RNF13: variants seen among roughly 807,000 people sequenced by gnomAD.
RNF13 encodes E3 ubiquitin-protein ligase RNF13.
Under a neutral mutation model 37.7 loss-of-function variants are expected in RNF13, and 19 were observed. That is an observed-to-expected ratio of 0.50 (90% CI 0.35 to 0.74). The LOEUF (loss-of-function observed/expected upper bound fraction) is 0.74, where lower values mean the gene tolerates loss of function less well. Ranked by LOEUF, RNF13 falls within the 30% of genes least tolerant of loss-of-function variation. The pLI, the probability that RNF13 is intolerant of heterozygous loss-of-function variation, is 0.01. For missense variants in RNF13, 375 were observed against 453.0 expected, an observed-to-expected ratio of 0.83 and a Z score of 1.56; for synonymous variants, 144 against 157.8, an observed-to-expected ratio of 0.91 and a Z score of 0.65.
intron 3 of RNF13, among the ~76,000 whole-genome samples, chr3:149,855,423 T>A (rs1723548736): frequency 6.6e-6 from 1 of 151,822 alleles, no homozygotes; most frequent in South Asian, 2.1e-4. Context: ...ATGTTCCTGT[T>A]AAGCACTGCA....
chr3:149,915,769 T>A lies in RNF13; in HGVS notation c.606+3686T>A, dbSNP rs536653788. 1.7e-4 allele frequency among the ~76,000 whole-genome samples: 26 copies of A among 152,322 alleles called. 1 individual carries two copies. The South Asian group carries it at 5.0e-3, about 29-fold the overall frequency. On this transcript the variant is annotated intron_variant, in intron 7 of 9. Coordinates refer to ENST00000392894, the MANE Select transcript of RNF13 (RefSeq NM_183381.3). ...CAAAAGGACAAATACTGATTCTACTTACACGAGGTACCTGGAGTAGCCAAA... is the reference window on the plus strand; with the variant it reads ...CAAAAGGACAAATACTGATTCTACTAACACGAGGTACCTGGAGTAGCCAAA...
At chr3:149,949,429 CTT>C (rs76888636) in intron 8 of RNF13, among the ~76,000 whole-genome samples, 19 of 136,602 alleles carry the variant, frequency 1.4e-4, no homozygotes, top group South Asian at 2.3e-4. Flanking sequence ...TACTGGGTTG[CTT>C]TTTTTTTTTT....
intron 3 of RNF13, 83 bp downstream of exon 3, chr3:149,852,679 C>A: frequency 3.2e-6 from 2 of 620,370 alleles, no homozygotes; most frequent in South Asian, 2.9e-5. Context: ...AGAATGAAAT[C>A]ATTTCTTACT....
At chr3:149,837,636 A>T (rs1227065700) in intron 1 of RNF13, among the ~76,000 whole-genome samples, 1 of 152,180 alleles carries the variant, frequency 6.6e-6, no homozygotes, top group Admixed American at 6.5e-5. Context: ...CATGAGACTT[A>T]TTCATTATCA....
intron 8 of RNF13, among the ~76,000 whole-genome samples, chr3:149,934,317 A>G (rs1219933002): frequency 3.3e-5 from 5 of 151,216 alleles, no homozygotes. Context: ...TTTTTCTTTC[A>G]GTTATCTTTT....
intron 8 of RNF13, among the ~76,000 whole-genome samples, chr3:149,947,015 T>C (rs1027371194): frequency 6.6e-6 from 1 of 152,254 alleles, no homozygotes; most frequent in Non-Finnish European, 1.5e-5. Flanking sequence ...TGATTTCTTA[T>C]TTGACCCATT....
Position 149,846,085 on chromosome 3 carries a change from C to G in RNF13, c.59C>G (p.Thr20Ser), listed in dbSNP as rs1241780032. Residue 20 changes from threonine (T) to serine (S), a missense_variant, in exon 2 of 10, where the codon ACT becomes AGT. Coordinates refer to ENST00000392894, the MANE Select transcript of RNF13 (RefSeq NM_183381.3). The stretch of plus-strand genomic sequence containing the variant: ...GCCACACAAGTCTACACCATCTTGA[C>G]TGTCCAGCTCTTTGCATTCTTAAAC... ...LSATQVYTIL[T>S]VQLFAFLNLL... 3.7e-6 allele frequency: 6 copies of G among 1,613,198 alleles called. No homozygotes were observed. The highest frequency in any genetic ancestry group is 5.1e-6 in the Non-Finnish European group (6 of 1,179,878).
At position 149,824,789 on chromosome 3, in the gene RNF13, A is replaced by G. The variant is rs187266884; in HGVS notation, c.-17+11436A>G. 2.8e-3 allele frequency among the ~76,000 whole-genome samples: 427 copies of G among 152,072 alleles called. 2 individuals carry two copies. Among genetic ancestry groups the G allele is most frequent in the African/African-American group, 9.8e-3 (408 of 41,524 alleles). ...TATGTCTGTATCAAAAAGCTCCAAA[A>G]GAACTAGGTCAGAGGTCATCCTCTT... On this transcript the variant is annotated intron_variant, in intron 1 of 9. Transcript: ENST00000392894.
chr3:149,954,434 A>G (rs1037301388), intron 8 of RNF13, among the ~76,000 whole-genome samples: 2 of 152,166 alleles, frequency 1.3e-5, no homozygotes, highest in Non-Finnish European at 2.9e-5. Flanking sequence ...CACCTGCAAA[A>G]AAACAAAAAA....
At chr3:149,916,734 A>G (rs182906540) in intron 7 of RNF13, among the ~76,000 whole-genome samples, 6 of 151,686 alleles carry the variant, frequency 4.0e-5, no homozygotes, top group African/African-American at 1.4e-4. Flanking sequence ...CAGGAGTACA[A>G]GTAAATAACC....
intron 8 of RNF13, among the ~76,000 whole-genome samples, chr3:149,936,095 T>C (rs1345568244): frequency 6.6e-6 from 1 of 152,064 alleles, no homozygotes; most frequent in Non-Finnish European, 1.5e-5. Context: ...TTCTACTAGA[T>C]GTCCATTAAC....
rs537374049 is a variant in RNF13 at position 149,911,850 on chromosome 3, A to C, written c.501-128A>C. The C allele has an allele frequency of 1.8e-5, 11 of 610,110 alleles. No individual in the cohort carries two copies. The East Asian group carries it at 3.1e-4, about 17-fold the overall frequency. 37.8% of individuals were successfully genotyped at this position (610,110 alleles called of 1,614,324 possible). A position where few individuals can be genotyped will look rare whatever the true frequency, so the allele number is the denominator to read the frequency against. On this transcript the variant is annotated intron_variant, in intron 6 of 9. Coordinates refer to ENST00000392894, the MANE Select transcript of RNF13 (RefSeq NM_183381.3). ...TTGAAAGTCATATTTTAGAAAATGA[A>C]ATGTATGTAGTGGATTTAATTGTAA... is the stretch of plus-strand genomic sequence containing the variant.
rs1237218658 is a variant in RNF13, at chr3:149,941,378, AT to A, written c.701-18676del. 5.3e-5 allele frequency among the ~76,000 whole-genome samples: 8 copies of A among 152,096 alleles called. No homozygotes were observed. In the East Asian group the frequency reaches 1.5e-3, roughly 29 times the overall value. On this transcript the variant is annotated intron_variant, in intron 8 of 9. Coordinates refer to ENST00000392894, the MANE Select transcript of RNF13 (RefSeq NM_183381.3). ...ACATTCTGCTCTTTTGTTAGTGGCC[AT>A]TCTAGTGAGTATGAGTCGATATCTC...
Position 149,944,950 on chromosome 3 carries a change from G to C in RNF13, c.701-15106G>C, listed in dbSNP as rs377000861. 5.3e-5 allele frequency among the ~76,000 whole-genome samples: 8 copies of C among 151,990 alleles called. No homozygotes were observed. In the South Asian group the frequency reaches 1.7e-3, roughly 32 times the overall value. On this transcript the variant is annotated intron_variant, in intron 8 of 9. Transcript: ENST00000392894. Reference sequence around the variant, plus strand: ...GGGTTTTTATGGTTTTAGGTCTAACGTTTAAGTCTTTAATCCATCTTGAAT... The same window carrying C: ...GGGTTTTTATGGTTTTAGGTCTAACCTTTAAGTCTTTAATCCATCTTGAAT...
At chr3:149,936,958 C>T (rs892228009) in intron 8 of RNF13, among the ~76,000 whole-genome samples, 1 of 152,066 alleles carries the variant, frequency 6.6e-6, no homozygotes, top group African/African-American at 2.4e-5. Context: ...AAACGTTCGG[C>T]GCACTGACCA....
chr3:149,904,874 C>A (rs542581974), intron 6 of RNF13, among the ~76,000 whole-genome samples: 2 of 152,232 alleles, frequency 1.3e-5, no homozygotes, highest in African/African-American at 4.8e-5. Context: ...AGTGCATAAA[C>A]AATATTCCCC....
intron 4 of RNF13, among the ~76,000 whole-genome samples, chr3:149,885,522 A>G (rs1193350571): frequency 1.3e-5 from 2 of 152,070 alleles, no homozygotes; most frequent in African/African-American, 4.8e-5. Context: ...TCCCATTTGT[A>G]TGTCTTCTTT....
At chr3:149,814,387 T>G (rs1180840208) in intron 1 of RNF13, 1 of 152,194 alleles carries the variant, frequency 6.6e-6, no homozygotes, top group Non-Finnish European at 1.5e-5. Flanking sequence ...GGGTGGACAT[T>G]AGCTCCATCT....
chr3:149,835,439 T>C (rs9854382), intron 1 of RNF13, among the ~76,000 whole-genome samples: 132,056 of 151,960 alleles, frequency 0.87, 57,521 homozygotes, highest in African/African-American at 0.92. Context: ...CCCTTTCCCC[T>C]GAGTCCCTAA....
Sources: gnomAD v4.1 joint callset for allele counts (sites outside exome capture counted in the v4.1 genomes callset) on GRCh38, gnomAD v4.1.1 for gene constraint, MANE v1.5 for transcripts, NCBI Gene and HGNC (gene_info 2026-07-23, HGNC 2026-07-21) for gene names.